The following RBPMS variants were observed in gnomAD, a reference collection of about 807,000 sequenced individuals.
The protein encoded by RBPMS is RNA-binding protein with multiple splicing.
Under a neutral mutation model 26.8 loss-of-function variants are expected in RBPMS, and 7 were observed. That is an observed-to-expected ratio of 0.26 (90% CI 0.15 to 0.49). The LOEUF is 0.49. RBPMS is among the 20% of genes least tolerant of loss of function. The pLI is 0.98. For synonymous variants in RBPMS, 96 were observed against 93.3 expected (o/e 1.03, Z -0.17); for missense variants, 186 against 250.0 (o/e 0.74, Z 1.73).
chr8:30,391,774 A>G (rs1352144683), intron 1 of RBPMS, among the ~76,000 whole-genome samples: 2 of 152,130 alleles, frequency 1.3e-5, no homozygotes, highest in Admixed American at 6.6e-5. Flanking sequence ...AGCTGAGTAA[A>G]GGGGATATGT....
chr8:30,562,327 G>GAAAA (rs753001749), intron 7 of RBPMS, among the ~76,000 whole-genome samples: 2 of 103,406 alleles, frequency 1.9e-5, no homozygotes, highest in Non-Finnish European at 3.7e-5. Context: ...CAAGACTGTC[G>GAAAA]AAAAAAAAAA....
chr8:30,550,267 G>A (rs1361806783), intron 6 of RBPMS, among the ~76,000 whole-genome samples: 2 of 152,112 alleles, frequency 1.3e-5, no homozygotes, highest in Admixed American at 6.5e-5. Flanking sequence ...ACAGGCTCTG[G>A]AACTCCCTGG....
chr8:30,514,503 C>G (rs1485501252), intron 5 of RBPMS, among the ~76,000 whole-genome samples: 2 of 151,706 alleles, frequency 1.3e-5, no homozygotes, highest in African/African-American at 4.8e-5. Flanking sequence ...ACTTGACCAC[C>G]ATGATTTTGA....
At chr8:30,417,303 G>A (rs1270001697) in intron 1 of RBPMS, among the ~76,000 whole-genome samples, 2 of 152,144 alleles carry the variant, frequency 1.3e-5, no homozygotes, top group African/African-American at 2.4e-5. Context: ...ATTGTCCAAT[G>A]CCCTCTGTTT....
intron 5 of RBPMS, among the ~76,000 whole-genome samples, chr8:30,512,148 T>C (rs556500470): frequency 6.6e-6 from 1 of 152,296 alleles, no homozygotes; most frequent in South Asian, 2.1e-4. Context: ...CAAGCAATCC[T>C]CATGCCTCAG....
chr8:30,469,644 G>A (rs1217209955), intron 1 of RBPMS, among the ~76,000 whole-genome samples: 1 of 152,210 alleles, frequency 6.6e-6, no homozygotes, highest in Admixed American at 6.5e-5. Flanking sequence ...TTCCCCATGT[G>A]TTCCATAAAG....
chr8:30,460,501 G>A (rs1051086881), intron 1 of RBPMS, among the ~76,000 whole-genome samples: 1 of 152,082 alleles, frequency 6.6e-6, no homozygotes, highest in East Asian at 1.9e-4. Flanking sequence ...CTCTGTGAAC[G>A]TCCCTAGGCT....
intron 6 of RBPMS, chr8:30,545,322 T>C: frequency 2.6e-6 from 3 of 1,165,012 alleles, no homozygotes; most frequent in Non-Finnish European, 3.2e-6. Flanking sequence ...GTCTACATAC[T>C]AACACTTCCT....
intron 1 of RBPMS, among the ~76,000 whole-genome samples, chr8:30,408,546 A>C (rs1449693608): frequency 6.6e-6 from 1 of 152,112 alleles, no homozygotes. Context: ...ACGAACAAAA[A>C]TCAAAAGCTC....
chr8:30,476,078 T>C (rs1334019537), intron 2 of RBPMS, among the ~76,000 whole-genome samples: 1 of 152,232 alleles, frequency 6.6e-6, no homozygotes, highest in African/African-American at 2.4e-5. Context: ...GTGTATAAAA[T>C]ACTGTTATGT....
chr8:30,546,514 G>A (rs1029674592), intron 6 of RBPMS, among the ~76,000 whole-genome samples: 2 of 152,212 alleles, frequency 1.3e-5, no homozygotes, highest in Non-Finnish European at 2.9e-5. Flanking sequence ...GAAGGATGGG[G>A]AGAGACAGTG....
At chr8:30,516,923 G>C (rs199728147) in intron 5 of RBPMS, among the ~76,000 whole-genome samples, 36,293 of 145,738 alleles carry the variant, frequency 0.25, 4,708 homozygotes, top group East Asian at 0.4. Context: ...CACACACACA[G>C]ACACACATGA....
intron 7 of RBPMS, among the ~76,000 whole-genome samples, chr8:30,563,757 A>C (rs780819140): frequency 6.6e-6 from 1 of 152,106 alleles, no homozygotes; most frequent in Non-Finnish European, 1.5e-5. Context: ...TGGAGCTTAG[A>C]GCTTAACAAG....
At chr8:30,469,533 A>G (rs1486840954) in intron 1 of RBPMS, among the ~76,000 whole-genome samples, 1 of 152,250 alleles carries the variant, frequency 6.6e-6, no homozygotes, top group African/African-American at 2.4e-5. Context: ...AGTTGAAGGT[A>G]CATCTACAAA....
chr8:30,549,913 T>G (rs3779638), intron 6 of RBPMS, among the ~76,000 whole-genome samples: 1 of 150,206 alleles, frequency 6.7e-6, no homozygotes, highest in African/African-American at 2.5e-5. Context: ...TGCAGTGGTG[T>G]GATCTCGGCT....
At chr8:30,393,011 G>A (rs1807966930) in intron 1 of RBPMS, among the ~76,000 whole-genome samples, 1 of 152,108 alleles carries the variant, frequency 6.6e-6, no homozygotes, top group Admixed American at 6.5e-5. Flanking sequence ...GTGAGGGTTA[G>A]CAAGGAAAGA....
chr8:30,552,189 G>C (rs1214940657), intron 6 of RBPMS, among the ~76,000 whole-genome samples: 1 of 152,000 alleles, frequency 6.6e-6, no homozygotes, highest in East Asian at 1.9e-4. Flanking sequence ...CGTCTGGTTG[G>C]GTCAGCTGGG....
At chr8:30,489,586 A>G (rs989714206) in intron 4 of RBPMS, among the ~76,000 whole-genome samples, 5 of 151,888 alleles carry the variant, frequency 3.3e-5, no homozygotes, top group Admixed American at 6.6e-5. Flanking sequence ...CTGGGATTAC[A>G]GGCGCGCGCC....
chr8:30,543,609 C>G (rs990710045), intron 5 of RBPMS, among the ~76,000 whole-genome samples: 3 of 152,168 alleles, frequency 2.0e-5, no homozygotes, highest in African/African-American at 7.2e-5. Flanking sequence ...GGCCCAGATT[C>G]CTTGCTATTG....
Sources: allele counts gnomAD v4.1 joint callset (sites outside exome capture counted in the v4.1 genomes callset), GRCh38; gene constraint gnomAD v4.1.1; transcripts MANE v1.5; gene names NCBI Gene and HGNC (gene_info 2026-07-23, HGNC 2026-07-21).